The following CRYM variants were observed in gnomAD, a reference collection of about 807,000 sequenced individuals.
CRYM encodes ketimine reductase mu-crystallin.
Under a neutral mutation model 32.9 loss-of-function variants are expected in CRYM, and 18 were observed. The ratio of observed to expected loss-of-function variants is 0.55; its 90% CI spans 0.38 to 0.81. The LOEUF (loss-of-function observed/expected upper bound fraction) is 0.81. CRYM is among the 30% of genes least tolerant of loss of function. The probability of loss-of-function intolerance (pLI) is 0.00; values close to 1 mark genes in which losing one functional copy is unlikely to be tolerated. For synonymous variants in CRYM, 153 were observed against 152.4 expected, an observed-to-expected ratio of 1.00 and a Z score of -0.03; for missense variants, 337 against 393.5, an observed-to-expected ratio of 0.86 and a Z score of 1.21.
upstream of CRYM, among the ~76,000 whole-genome samples, chr16:21,283,224 T>G (rs1489041647): frequency 6.6e-6 from 1 of 152,172 alleles, no homozygotes; most frequent in African/African-American, 2.4e-5. Flanking sequence ...TGTACCATAG[T>G]GAGGTACTCA....
chr16:21,262,661 G>A (rs1459473566), intron 5 of CRYM, among the ~76,000 whole-genome samples: 1 of 151,944 alleles, frequency 6.6e-6, no homozygotes, highest in Non-Finnish European at 1.5e-5. Flanking sequence ...CTACCATTTT[G>A]CCTTTCTATT....
intron 1 of CRYM, among the ~76,000 whole-genome samples, chr16:21,296,332 T>A (rs1376065304): frequency 6.6e-6 from 1 of 151,960 alleles, no homozygotes; most frequent in Non-Finnish European, 1.5e-5. Context: ...AAGAGAAAAA[T>A]AGAAAAACAA....
chr16:21,272,831 T>C (rs2093378537), intron 3 of CRYM, among the ~76,000 whole-genome samples: 1 of 142,630 alleles, frequency 7.0e-6, no homozygotes, highest in African/African-American at 2.6e-5. Flanking sequence ...TTTTTTTTTT[T>C]TTTTTTTTTT....
At chr16:21,267,142 G>A (rs1353227948) in intron 5 of CRYM, among the ~76,000 whole-genome samples, 1 of 152,014 alleles carries the variant, frequency 6.6e-6, no homozygotes, top group Non-Finnish European at 1.5e-5. Context: ...CTGTTGCCCA[G>A]GCTAAAGTGC....
Position 21,277,729 on chromosome 16 carries a change from A to G in CRYM, c.171-145T>C. 1.1e-6 allele frequency: 1 copy of G among 921,746 alleles called. No individual in the cohort carries two copies. Among genetic ancestry groups the G allele is most frequent in the South Asian group, 1.5e-5 (1 of 65,992 alleles). The allele number at this position is 921,746 out of a possible 1,614,324, so 57.1% of individuals were successfully genotyped here. ...CCCCGCATCCCTCTGCCCTTCCCTTAGACACTATGCACAGTATGTTCAGAA... is the reference window on the plus strand; with the variant it reads ...CCCCGCATCCCTCTGCCCTTCCCTTGGACACTATGCACAGTATGTTCAGAA... On this transcript the variant is annotated intron_variant, in intron 1 of 7. Coordinates refer to ENST00000572914, the MANE Select transcript of CRYM (RefSeq NM_001376256.1). The surrounding 1 kb of genome is among the most constrained non-coding windows in gnomAD (Gnocchi z 4.2).
chr16:21,280,664 G>A (rs181096610), upstream of CRYM, among the ~76,000 whole-genome samples: 6 of 152,336 alleles, frequency 3.9e-5, no homozygotes, highest in South Asian at 2.1e-4. Context: ...ATGCCAGGAA[G>A]GGTTAAGTCA....
chr16:21,294,084 C>G (rs1960731645), intron 1 of CRYM, among the ~76,000 whole-genome samples: 1 of 152,218 alleles, frequency 6.6e-6, no homozygotes, highest in African/African-American at 2.4e-5. Context: ...TTAGCAGAAA[C>G]TGTCTGAACC....
intron 1 of CRYM, among the ~76,000 whole-genome samples, chr16:21,285,053 T>G (rs2093405208): frequency 6.6e-6 from 1 of 152,236 alleles, no homozygotes; most frequent in African/African-American, 2.4e-5. Flanking sequence ...CATATATTTT[T>G]TGGTTACTCG....
intron 1 of CRYM, among the ~76,000 whole-genome samples, chr16:21,297,658 TA>T (rs979620603): frequency 2.0e-5 from 3 of 152,160 alleles, no homozygotes; most frequent in Non-Finnish European, 4.4e-5. Context: ...AATATAACAA[TA>T]AATAGAACCA....
At chr16:21,272,966 C>A (rs1003656382) in intron 3 of CRYM, among the ~76,000 whole-genome samples, 8 of 151,744 alleles carry the variant, frequency 5.3e-5, no homozygotes, top group Non-Finnish European at 1.2e-4. Context: ...CTGCGCCCAG[C>A]CTATTGATGT....
chr16:21,301,322 A>C (rs1170656597), intron 1 of CRYM: 1 of 152,086 alleles, frequency 6.6e-6, no homozygotes, highest in Non-Finnish European at 1.5e-5. Flanking sequence ...AAGACGACCC[A>C]AAAGGGTACC....
chr16:21,289,214 C>G (rs1960552794), intron 1 of CRYM, among the ~76,000 whole-genome samples: 1 of 152,068 alleles, frequency 6.6e-6, no homozygotes. Flanking sequence ...GTTGAAAGCC[C>G]TTAAATCTGT....
chr16:21,269,781 TG>T lies in CRYM; in HGVS notation c.489+8del. Reference sequence around the variant, plus strand: ...CCCTCTTCTCTCCCACCCCCACCCCTGGACTTACCTCCTTAAAGGAGAACTG... The same window carrying T: ...CCCTCTTCTCTCCCACCCCCACCCCTGACTTACCTCCTTAAAGGAGAACTG... On this transcript the variant is annotated splice_region_variant and intron_variant, in intron 4 of 7. Coordinates refer to ENST00000572914, the MANE Select transcript of CRYM (RefSeq NM_001376256.1). The T allele has an allele frequency of 3.1e-6, 1 of 327,604 alleles. No individual in the cohort carries two copies. Among genetic ancestry groups the T allele is most frequent in the Non-Finnish European group, 5.1e-6 (1 of 196,292 alleles). 20.3% of individuals were successfully genotyped at this position (327,604 alleles called of 1,614,324 possible).
At chr16:21,302,558 G>T (rs1393347195) in intron 1 of CRYM, among the ~76,000 whole-genome samples, 1 of 152,198 alleles carries the variant, frequency 6.6e-6, no homozygotes, top group African/African-American at 2.4e-5. Flanking sequence ...ACAAAGTGGG[G>T]CAGGGTTTTT....
At chr16:21,293,358 C>T (rs1299680440) in intron 1 of CRYM, among the ~76,000 whole-genome samples, 1 of 152,130 alleles carries the variant, frequency 6.6e-6, no homozygotes, top group Non-Finnish European at 1.5e-5. Context: ...CTACAGGAGA[C>T]AGTGAACAAG....
At chr16:21,269,938 G>A (rs376349945) in intron 3 of CRYM, 47 bp from the exon 4 acceptor site, 159 of 1,381,698 alleles carry the variant, frequency 1.2e-4, no homozygotes, top group Non-Finnish European at 1.6e-4. Context: ...GACCCTAGCA[G>A]ACGGGTAAAA....
In CRYM at chr16:21,277,047, G is replaced by T. The variant is rs1183949429; in HGVS notation, c.324+384C>A. 6.6e-6 allele frequency among the ~76,000 whole-genome samples: 1 copy of T among 152,068 alleles called. No individual in the cohort carries two copies. The highest frequency in any genetic ancestry group is 1.5e-5 in the Non-Finnish European group (1 of 68,014). On this transcript the variant is annotated intron_variant, in intron 2 of 7. Transcript: ENST00000572914. This position sits in a 1 kb window ranked among gnomAD's most constrained non-coding sequence, Gnocchi z 4.2. ...CGTATACCCCTCTGAAGACTCCCAGGGATTATAGAACACCCCTTCTTTTCC... is the reference window on the plus strand; with the variant it reads ...CGTATACCCCTCTGAAGACTCCCAGTGATTATAGAACACCCCTTCTTTTCC...
chr16:21,266,511 T>A (rs972229360), intron 5 of CRYM, among the ~76,000 whole-genome samples: 29 of 152,112 alleles, frequency 1.9e-4, no homozygotes, highest in Admixed American at 1.8e-3. Flanking sequence ...CACCCTCATG[T>A]CTAGAGCCCC....
At position 21,286,111 on chromosome 16, in the gene CRYM, A is replaced by C. The variant is rs1049539120; in HGVS notation, c.-192-7151T>G. 3.9e-5 allele frequency among the ~76,000 whole-genome samples: 6 copies of C among 152,242 alleles called. No individual in the cohort carries two copies. The South Asian group carries it at 1.0e-3, about 26-fold the overall frequency. Reference sequence around the variant, plus strand: ...TCTTTCCATGAAGTTCCTTAAGAAGAAGCCAATTTTGGACTGTAGCTGATT... The same window carrying C: ...TCTTTCCATGAAGTTCCTTAAGAAGCAGCCAATTTTGGACTGTAGCTGATT... On this transcript the variant is annotated intron_variant, in intron 1 of 9. Transcript: ENST00000219599.
Sources: allele counts gnomAD v4.1 joint callset (sites outside exome capture counted in the v4.1 genomes callset), GRCh38; gene constraint gnomAD v4.1.1; non-coding constraint Gnocchi (gnomAD v3.1); transcripts MANE v1.5; gene names NCBI Gene and HGNC (gene_info 2026-07-23, HGNC 2026-07-21).